SLCO1A2: variants seen among roughly 807,000 people sequenced by gnomAD.
The protein encoded by SLCO1A2 is OATP-1.
SLCO1A2 carries 67 observed loss-of-function variants against 69.0 expected under a neutral mutation model. That is an observed-to-expected ratio of 0.97 (90% confidence interval 0.80 to 1.19). The LOEUF (loss-of-function observed/expected upper bound fraction) is 1.19. SLCO1A2 is among the 50% of genes most tolerant of loss of function. The pLI is 0.00. For missense variants in SLCO1A2, 787 were observed against 793.7 expected (o/e 0.99, Z 0.10); for synonymous variants, 260 against 265.9 (o/e 0.98, Z 0.22).
intron 12 of SLCO1A2, among the ~76,000 whole-genome samples, chr12:21,287,825 C>A (rs1308214168): frequency 9.7e-6 from 1 of 102,642 alleles, no homozygotes; most frequent in East Asian, 2.9e-4. Context: ...ATCACATGGA[C>A]ACAGGAAGGG....
rs574833387 is a variant in SLCO1A2 at position 21,265,624 on chromosome 12, C to T, written c.*3924G>A. ...GGGAACTTGGCACAGGACCCAGTTA[C>T]TCATCCTCTTTTATGCCTCTTGGGA... On this transcript the variant is annotated 3_prime_UTR_variant, in exon 15 of 15. Coordinates refer to ENST00000683939, the MANE Select transcript of SLCO1A2 (RefSeq NM_001386879.1). 6 of 152,248 alleles carry T rather than the reference C, an allele frequency of 3.9e-5. No homozygotes were observed. In the South Asian group the frequency reaches 1.0e-3, roughly 26 times the overall value. The allele number at this position is 152,248 out of a possible 1,614,324, so 9.4% of individuals were successfully genotyped here. A position where few individuals can be genotyped will look rare whatever the true frequency, so the allele number is the denominator to read the frequency against.
intron 14 of SLCO1A2, among the ~76,000 whole-genome samples, chr12:21,273,625 C>T (rs532441415): frequency 6.6e-6 from 1 of 152,240 alleles, no homozygotes; most frequent in East Asian, 1.9e-4. Context: ...GGCCAACCCT[C>T]AATAGTGACC....
At chr12:21,334,527 G>T in intron 2 of SLCO1A2, 61 bp downstream of exon 2, 1 of 1,220,250 alleles carries the variant, frequency 8.2e-7, no homozygotes, top group Non-Finnish European at 1.2e-6. Context: ...ATTTTACCAG[G>T]ACTGTCGTAT....
At chr12:21,346,417 A>G (rs1953253596) in intron 2 of SLCO1A2, among the ~76,000 whole-genome samples, 1 of 152,152 alleles carries the variant, frequency 6.6e-6, no homozygotes. Flanking sequence ...ATACAGATCC[A>G]TGATGGATTT....
chr12:21,288,087 G>C (rs1041588651), intron 12 of SLCO1A2, among the ~76,000 whole-genome samples: 3 of 150,422 alleles, frequency 2.0e-5, no homozygotes, highest in Non-Finnish European at 3.0e-5. Flanking sequence ...ATAACGTTAA[G>C]TAAAGTAGGG....
intron 2 of SLCO1A2, among the ~76,000 whole-genome samples, chr12:21,331,306 T>C (rs985575156): frequency 3.9e-5 from 6 of 152,044 alleles, no homozygotes; most frequent in African/African-American, 1.4e-4. Context: ...AGAAATAGTG[T>C]GGAAGAAAAG....
At chr12:21,384,685 T>C (rs1940776523) in intron 1 of SLCO1A2, among the ~76,000 whole-genome samples, 1 of 152,080 alleles carries the variant, frequency 6.6e-6, no homozygotes, top group Non-Finnish European at 1.5e-5. Context: ...ATTAATAAAC[T>C]TTTTAAAACT....
chr12:21,323,529 C>A (rs748008718), intron 2 of SLCO1A2, among the ~76,000 whole-genome samples: 2 of 152,154 alleles, frequency 1.3e-5, no homozygotes, highest in Non-Finnish European at 2.9e-5. Context: ...GGCACCACTA[C>A]ACTCCAGCCT....
intron 5 of SLCO1A2, among the ~76,000 whole-genome samples, chr12:21,306,266 T>C (rs1021987261): frequency 1.3e-5 from 2 of 152,136 alleles, no homozygotes; most frequent in African/African-American, 4.8e-5. Context: ...CATAAATCCA[T>C]CCTTATAAGA....
chr12:21,293,309 A>T (rs1947186374), intron 11 of SLCO1A2, among the ~76,000 whole-genome samples: 1 of 146,756 alleles, frequency 6.8e-6, no homozygotes, highest in Non-Finnish European at 1.5e-5. Context: ...TCTCAAAAAA[A>T]AGAAAAGAAA....
At chr12:21,304,059 C>A (rs536692195) in intron 6 of SLCO1A2, among the ~76,000 whole-genome samples, 18 of 152,126 alleles carry the variant, frequency 1.2e-4, no homozygotes, top group African/African-American at 4.1e-4. Context: ...GTAATGAGAA[C>A]CTCAACAAAA....
chr12:21,358,067 T>C (rs1938515919), intron 2 of SLCO1A2, among the ~76,000 whole-genome samples: 1 of 152,150 alleles, frequency 6.6e-6, no homozygotes, highest in South Asian at 2.1e-4. Flanking sequence ...TACTCACATG[T>C]TTTGAATCTG....
intron 2 of SLCO1A2, among the ~76,000 whole-genome samples, chr12:21,362,841 C>T (rs1489333971): frequency 6.6e-6 from 1 of 152,126 alleles, no homozygotes; most frequent in African/African-American, 2.4e-5. Flanking sequence ...ACAAGAAGAG[C>T]TAACTATCCT....
chr12:21,355,251 G>A (rs1938274550), intron 2 of SLCO1A2, among the ~76,000 whole-genome samples: 1 of 152,128 alleles, frequency 6.6e-6, no homozygotes, highest in Non-Finnish European at 1.5e-5. Flanking sequence ...ATATAGCTCA[G>A]AAGTCTTTAA....
chr12:21,298,715 A>G (rs977991782), intron 8 of SLCO1A2, among the ~76,000 whole-genome samples: 9 of 152,102 alleles, frequency 5.9e-5, no homozygotes, highest in African/African-American at 7.2e-5. Context: ...TTTCTTTTCT[A>G]TGTCTTGCAA....
chr12:21,295,358 ACC>A, intron 10 of SLCO1A2: 1 of 411,174 alleles, frequency 2.4e-6, no homozygotes, highest in Non-Finnish European at 4.4e-6. Flanking sequence ...ATGCACACAC[ACC>A]CACATGCACA....
intron 12 of SLCO1A2, among the ~76,000 whole-genome samples, chr12:21,281,204 C>T (rs925938557): frequency 6.6e-6 from 1 of 152,092 alleles, no homozygotes. Context: ...GTAATCCCAG[C>T]ACTTTGGGAG....
intron 2 of SLCO1A2, among the ~76,000 whole-genome samples, chr12:21,371,637 T>C (rs1464255340): frequency 2.0e-5 from 3 of 152,190 alleles, no homozygotes; most frequent in Non-Finnish European, 2.9e-5. Flanking sequence ...TCACTGACAA[T>C]TGAAATTTAT....
chr12:21,395,020 C>G (rs1941367432), exon 1 of SLCO1A2: 1 of 154,014 alleles, frequency 6.5e-6, no homozygotes, highest in Non-Finnish European at 1.4e-5. Flanking sequence ...GGGAGAGGAG[C>G]CAAGATGGCC....
Sources: gnomAD v4.1 joint callset for allele counts (sites outside exome capture counted in the v4.1 genomes callset) on GRCh38, gnomAD v4.1.1 for gene constraint, MANE v1.5 for transcripts, NCBI Gene and HGNC (gene_info 2026-07-23, HGNC 2026-07-21) for gene names.